Variants in GPR180 observed in about 807,000 individuals in gnomAD.
GPR180 encodes G protein-coupled receptor 180, also known as integral membrane protein GPR180.
GPR180 carries 53 observed loss-of-function variants against 52.6 expected under a neutral mutation model. The ratio of observed to expected loss-of-function variants is 1.01; its 90% CI spans 0.81 to 1.27. The LOEUF (loss-of-function observed/expected upper bound fraction) is 1.27, where lower values mean the gene tolerates loss of function less well. Ranked by LOEUF, GPR180 falls within the 50% of genes most tolerant of loss-of-function variation. The pLI is 0.00. For missense variants in GPR180, 533 were observed against 527.0 expected, an observed-to-expected ratio of 1.01 and a Z score of -0.11; for synonymous variants, 200 against 193.1, an observed-to-expected ratio of 1.04 and a Z score of -0.30.
chr13:94,618,422 T>TC, intron 3 of GPR180, among the ~76,000 whole-genome samples: 1 of 76,064 alleles, frequency 1.3e-5, no homozygotes, highest in East Asian at 4.4e-4. Flanking sequence ...AGCACAGGAT[T>TC]TTTTTTTTTT....
chr13:94,603,956 C>T (rs1376895411), intron 1 of GPR180, among the ~76,000 whole-genome samples: 1 of 152,084 alleles, frequency 6.6e-6, no homozygotes, highest in Non-Finnish European at 1.5e-5. Flanking sequence ...AAAAAGGAAG[C>T]CAGACTCGTT....
intron 3 of GPR180, among the ~76,000 whole-genome samples, chr13:94,616,979 G>A (rs9524562): frequency 0.24 from 36,973 of 151,996 alleles, 4,751 homozygotes; most frequent in East Asian, 0.38. Flanking sequence ...AGTTCAATTT[G>A]TTTAATATGT....
At chr13:94,620,875 A>G (rs1004994102) in intron 5 of GPR180, among the ~76,000 whole-genome samples, 6 of 152,104 alleles carry the variant, frequency 3.9e-5, no homozygotes, top group African/African-American at 1.4e-4. Flanking sequence ...TATTTTAATA[A>G]ATATATTACA....
At chr13:94,608,103 T>G (rs187120339) in intron 2 of GPR180, among the ~76,000 whole-genome samples, 1 of 152,316 alleles carries the variant, frequency 6.6e-6, no homozygotes, top group African/African-American at 2.4e-5. Context: ...TTCGTATGAG[T>G]CATATTCCTG....
At chr13:94,613,863 G>A (rs1889744296) in intron 3 of GPR180, among the ~76,000 whole-genome samples, 1 of 149,754 alleles carries the variant, frequency 6.7e-6, no homozygotes, top group African/African-American at 2.5e-5. Context: ...TTGCTCCTCA[G>A]GTCCTTTTTT....
intron 3 of GPR180, among the ~76,000 whole-genome samples, chr13:94,617,973 A>G (rs1352053891): frequency 6.6e-6 from 1 of 151,996 alleles, no homozygotes; most frequent in African/African-American, 2.4e-5. Flanking sequence ...AAATTTCTGA[A>G]AAATGGAGAC....
rs1890011694 is a variant in GPR180, at chr13:94,632,518, G to A, written c.*5347G>A. The A allele has an allele frequency of 6.6e-6, 1 of 152,124 alleles. No individual in the cohort carries two copies. Among genetic ancestry groups the A allele is most frequent in the South Asian group, 2.1e-4 (1 of 4,830 alleles). The allele number at this position is 152,124 out of a possible 1,614,324, so 9.4% of individuals were successfully genotyped here. On this transcript the variant is annotated 3_prime_UTR_variant, in exon 9 of 9. Transcript: ENST00000376958. ...ATGGATGTATTTTGATTTTTTCAAAGAATCAGTTCTGTTACTGCACGTTGT... is the reference window on the plus strand; with the variant it reads ...ATGGATGTATTTTGATTTTTTCAAAAAATCAGTTCTGTTACTGCACGTTGT...
intron 6 of GPR180, among the ~76,000 whole-genome samples, chr13:94,621,493 A>G (rs1889850839): frequency 6.6e-6 from 1 of 152,178 alleles, no homozygotes; most frequent in South Asian, 2.1e-4. Flanking sequence ...TTGAGCTCCT[A>G]TCAGCTTATT....
intron 7 of GPR180, among the ~76,000 whole-genome samples, chr13:94,624,959 A>G (rs1321862856): frequency 6.6e-6 from 1 of 151,900 alleles, no homozygotes; most frequent in Admixed American, 6.6e-5. Context: ...AGTCTCTGGC[A>G]TGTGCTACCA....
intron 5 of GPR180, 73 bp downstream of exon 5, chr13:94,619,590 A>G (rs1889826842): frequency 7.8e-7 from 1 of 1,289,548 alleles, no homozygotes; most frequent in Non-Finnish European, 1.1e-6. Flanking sequence ...TTCTTGTCAT[A>G]GTATAAATTT....
At chr13:94,609,125 T>A (rs1330378677) in intron 2 of GPR180, among the ~76,000 whole-genome samples, 1 of 152,192 alleles carries the variant, frequency 6.6e-6, no homozygotes, top group Non-Finnish European at 1.5e-5. Context: ...GTGTTGTCTT[T>A]TTACATATTA....
chr13:94,611,534 T>A (rs529393081), intron 2 of GPR180, among the ~76,000 whole-genome samples: 1 of 152,032 alleles, frequency 6.6e-6, no homozygotes, highest in Admixed American at 6.6e-5. Flanking sequence ...TGTGAAAATA[T>A]CGAAAATCAA....
intron 1 of GPR180, among the ~76,000 whole-genome samples, chr13:94,604,090 T>A (rs1359703579): frequency 6.6e-6 from 1 of 152,016 alleles, no homozygotes; most frequent in Admixed American, 6.6e-5. Flanking sequence ...TCCCAGCACT[T>A]TGGGAGGCTG....
intron 3 of GPR180, among the ~76,000 whole-genome samples, chr13:94,613,013 T>C (rs1243436573): frequency 1.3e-5 from 2 of 152,208 alleles, no homozygotes; most frequent in African/African-American, 4.8e-5. Context: ...CTATGTTCTG[T>C]CCTACTGAGG....
Position 94,630,101 on chromosome 13 carries a change from T to C in GPR180, c.*2930T>C, listed in dbSNP as rs1302082220. ...CCAGATACGAAGAGGTAATACTGTT[T>C]TTTATTCCAACATGTATTTGTGAAT... On this transcript the variant is annotated 3_prime_UTR_variant, in exon 9 of 9. Coordinates refer to ENST00000376958, the MANE Select transcript of GPR180 (RefSeq NM_180989.6). 1.3e-5 allele frequency: 2 copies of C among 152,250 alleles called. No individual in the cohort carries two copies. Among genetic ancestry groups the C allele is most frequent in the African/African-American group, 4.8e-5 (2 of 41,474 alleles). The allele number at this position is 152,250 out of a possible 1,614,324, so 9.4% of individuals were successfully genotyped here. A position where few individuals can be genotyped will look rare whatever the true frequency, so the allele number is the denominator to read the frequency against.
At chr13:94,618,596 A>G (rs1814547236) in intron 3 of GPR180, among the ~76,000 whole-genome samples, 1 of 151,952 alleles carries the variant, frequency 6.6e-6, no homozygotes, top group Non-Finnish European at 1.5e-5. Flanking sequence ...AGGGCTTACT[A>G]AAGCACAGAT....
intron 1 of GPR180, among the ~76,000 whole-genome samples, chr13:94,604,763 A>C (rs1413818236): frequency 6.6e-6 from 1 of 151,642 alleles, no homozygotes; most frequent in Admixed American, 6.6e-5. Context: ...TTTAAATAGC[A>C]ACAGGATCTC....
At position 94,621,245 on chromosome 13, in the gene GPR180, G is replaced by A; in HGVS notation, c.894+10G>A. The A allele has an allele frequency of 6.4e-7, 1 of 1,563,062 alleles. No homozygotes were observed. The highest frequency in any genetic ancestry group is 8.6e-7 in the Non-Finnish European group (1 of 1,160,594). On this transcript the variant is annotated intron_variant, in intron 6 of 8. Coordinates refer to ENST00000376958, the MANE Select transcript of GPR180 (RefSeq NM_180989.6). ...CATTGTCATGACACAGGTGGGTATT[G>A]ATACTCAGTGTTTCTGCTTAGTAAT...
intron 2 of GPR180, among the ~76,000 whole-genome samples, chr13:94,608,864 A>C (rs913820343): frequency 2.6e-5 from 4 of 152,184 alleles, no homozygotes; most frequent in Non-Finnish European, 2.9e-5. Flanking sequence ...TTAGTGTTGA[A>C]TGTTGCTTGA....
Sources: allele counts gnomAD v4.1 joint callset (sites outside exome capture counted in the v4.1 genomes callset), GRCh38; gene constraint gnomAD v4.1.1; transcripts MANE v1.5; gene names NCBI Gene and HGNC (gene_info 2026-07-23, HGNC 2026-07-21).